IRGM: variants seen among roughly 807,000 people sequenced by gnomAD.
The protein encoded by IRGM is immunity-related GTPase family M protein.
For synonymous variants in IRGM, 98 were observed against 80.6 expected (o/e 1.22, Z -1.16); for missense variants, 288 against 219.9 (o/e 1.31, Z -1.96).
chr5:150,848,592 C>G lies in IRGM; in HGVS notation c.469C>G (p.Leu157Val), dbSNP rs373476641. ...KLDMDLSTGALPEVQLLQIRE... is the reference protein window; with the variant it reads ...KLDMDLSTGAVPEVQLLQIRE... ...AGACATGGACCTCAGCACAGGTGCC[C>G]TCCCAGAAGTGCAGCTACTGCAGAT... The change falls in exon 2 of 2, where the codon CTC becomes GTC. Residue 157 changes from leucine to valine, a missense_variant. Transcript: ENST00000522154. 1.3e-6 allele frequency: 2 copies of G among 1,551,490 alleles called. No individual in the cohort carries two copies. The highest frequency in any genetic ancestry group is 1.7e-6 in the Non-Finnish European group (2 of 1,146,692).
In IRGM at chr5:150,874,025, C is replaced by T. The variant is rs115890543; in HGVS notation, c.159-3955C>T. ...CTTAACCAAGTGGTGACTCTGATTG[C>T]AGCTACTGTACCAGAAATGGTTTCA... On this transcript the variant is annotated intron_variant and NMD_transcript_variant, in intron 1 of 3. Transcript: ENST00000520549. Among the ~76,000 whole-genome samples the T allele has an allele frequency of 5.3e-3, 806 of 152,322 alleles. 4 individuals are homozygous for T. The highest frequency in any genetic ancestry group is 0.019 in the African/African-American group (781 of 41,572).
intron 3 of IRGM, chr5:150,897,001 A>C: frequency 6.5e-7 from 1 of 1,545,392 alleles, no homozygotes; most frequent in African/African-American, 1.4e-5. Flanking sequence ...ACAATTTAAG[A>C]GTCATCACAA....
chr5:150,878,055 G>C, exon 2 of IRGM: 1 of 461,174 alleles, frequency 2.2e-6, no homozygotes. Flanking sequence ...TGAGAGAAAA[G>C]CAAGACAAAG....
Position 150,861,445 on chromosome 5 carries a change from A to T in IRGM, c.158+12791A>T, listed in dbSNP as rs553015510. Reference sequence around the variant, plus strand: ...ACAGCATTCTACATTCAAACAAGTCACAGGGCAGGGTCAGATTCAAGAGGA... The same window carrying T: ...ACAGCATTCTACATTCAAACAAGTCTCAGGGCAGGGTCAGATTCAAGAGGA... On this transcript the variant is annotated intron_variant and NMD_transcript_variant, in intron 1 of 3. Transcript: ENST00000520549. 2.0e-5 allele frequency among the ~76,000 whole-genome samples: 3 copies of T among 152,374 alleles called. No individual in the cohort carries two copies. The South Asian group carries it at 6.2e-4, about 32-fold the overall frequency.
At chr5:150,896,516 A>C (rs533675832) in intron 3 of IRGM, 3 of 1,613,640 alleles carry the variant, frequency 1.9e-6, no homozygotes, top group African/African-American at 1.3e-5. Context: ...GATTATCATC[A>C]AAAGGTATTA....
chr5:150,872,164 A>G (rs1754294354), intron 1 of IRGM, among the ~76,000 whole-genome samples: 1 of 152,226 alleles, frequency 6.6e-6, no homozygotes, highest in Admixed American at 6.5e-5. Context: ...TGACAGGAAT[A>G]AAAAGGTTTT....
At chr5:150,850,036 G>A (rs866441523), downstream of IRGM, among the ~76,000 whole-genome samples, 2 of 152,248 alleles carry the variant, frequency 1.3e-5, no homozygotes, top group Non-Finnish European at 1.5e-5. Context: ...TCAGAGAGAT[G>A]CCTGTATAGA....
intron 3 of IRGM, among the ~76,000 whole-genome samples, chr5:150,891,363 C>A (rs987861376): frequency 1.3e-5 from 2 of 151,898 alleles, no homozygotes; most frequent in African/African-American, 4.8e-5. Context: ...ATAGTCTCTG[C>A]GTTTTTATCT....
chr5:150,894,731 A>C (rs1016368147), intron 3 of IRGM: 1 of 152,324 alleles, frequency 6.6e-6, no homozygotes, highest in Non-Finnish European at 1.5e-5. Flanking sequence ...AAAGTCACAC[A>C]ATCTGTGAGG....
At position 150,847,705 on chromosome 5, in the gene IRGM, G is replaced by A. The variant is rs1251931855; in HGVS notation, c.-415-4G>A. ...CTAACTCACCTGCTCTTCTACTTCC[G>A]CAGCTTACTCCAGTGCCCACAGATA... On this transcript the variant is annotated splice_region_variant and splice_polypyrimidine_tract_variant and intron_variant, in intron 1 of 1. Transcript: ENST00000522154. 9 of 174,432 alleles carry A rather than the reference G, an allele frequency of 5.2e-5. No individual in the cohort carries two copies. Among genetic ancestry groups the A allele is most frequent in the Admixed American group, 3.8e-4 (7 of 18,520 alleles). 10.8% of individuals were successfully genotyped at this position (174,432 alleles called of 1,614,324 possible). A position where few individuals can be genotyped will look rare whatever the true frequency, so the allele number is the denominator to read the frequency against.
At chr5:150,890,863 T>C (rs572672743) in intron 3 of IRGM, among the ~76,000 whole-genome samples, 1 of 152,188 alleles carries the variant, frequency 6.6e-6, no homozygotes, top group South Asian at 2.1e-4. Context: ...AATTTATTGC[T>C]CTGTCTTGGT....
At chr5:150,860,835 G>A (rs960536361) in intron 1 of IRGM, among the ~76,000 whole-genome samples, 4 of 152,112 alleles carry the variant, frequency 2.6e-5, no homozygotes, top group Admixed American at 6.5e-5. Flanking sequence ...TGTTAACTTA[G>A]TTCTCCCTCT....
chr5:150,861,920 C>T (rs79482950), intron 1 of IRGM, among the ~76,000 whole-genome samples: 5 of 152,274 alleles, frequency 3.3e-5, no homozygotes, highest in African/African-American at 9.6e-5. Flanking sequence ...CATAAAACTA[C>T]CACAAACTAG....
At position 150,846,682 on chromosome 5, in the gene IRGM, G is replaced by T. The variant is rs58398445; in HGVS notation, c.-954G>T. On this transcript the variant is annotated 5_prime_UTR_variant, in exon 1 of 2. Transcript: ENST00000522154. ...TCACTCCTGAAACCTGTGAAACAAC[G>T]AACCCCCCGGGGAGAAACGAACAAC... The T allele has an allele frequency of 0.21, 31,224 of 151,886 alleles. 5,175 individuals are homozygous for T. Among genetic ancestry groups the T allele is most frequent in the African/African-American group, 0.44 (18,176 of 41,242 alleles). The allele number at this position is 151,886 out of a possible 1,614,324, so 9.4% of individuals were successfully genotyped here. A position where few individuals can be genotyped will look rare whatever the true frequency, so the allele number is the denominator to read the frequency against.
chr5:150,861,359 A>C (rs1754133537), intron 1 of IRGM, among the ~76,000 whole-genome samples: 1 of 152,208 alleles, frequency 6.6e-6, no homozygotes, highest in Non-Finnish European at 1.5e-5. Flanking sequence ...CTAGGAGTGC[A>C]AAATTAGAAG....
intron 3 of IRGM, chr5:150,898,337 G>A (rs1754871566): frequency 1.9e-6 from 3 of 1,605,548 alleles, no homozygotes; most frequent in Admixed American, 3.3e-5. Flanking sequence ...TAAAAGTCAT[G>A]ACATATGTCA....
Position 150,848,616 on chromosome 5 carries a change from A to T in IRGM, c.493A>T (p.Ile165Phe), listed in dbSNP as rs2113247652. 6.5e-7 allele frequency: 1 copy of T among 1,548,884 alleles called. No individual in the cohort carries two copies. Among genetic ancestry groups the T allele is most frequent in the East Asian group, 2.4e-5 (1 of 40,956 alleles). ...GALPEVQLLQ[I>F]RENVLENLQK... ...CCTCCCAGAAGTGCAGCTACTGCAG[A>T]TCAGAGAAAATGTCCTGGAAAATCT... The change falls in exon 2 of 2, where the codon ATC becomes TTC. Residue 165 changes from isoleucine to phenylalanine, a missense_variant. Ile to Phe is a conservative substitution (Grantham distance 21, BLOSUM62 0). Transcript: ENST00000522154.
downstream of IRGM, among the ~76,000 whole-genome samples, chr5:150,849,837 C>T (rs146262300): frequency 5.7e-3 from 872 of 152,124 alleles, 9 homozygotes; most frequent in African/African-American, 0.02. Flanking sequence ...AATTTCTTGA[C>T]CTTGTGATCC....
intron 2 of IRGM, chr5:150,878,134 A>T (rs1474033601): frequency 7.2e-6 from 3 of 415,956 alleles, no homozygotes; most frequent in Non-Finnish European, 1.4e-5. Flanking sequence ...AAAAATCTTC[A>T]CTGATTTTAG....
Sources: gnomAD v4.1 joint callset for allele counts (sites outside exome capture counted in the v4.1 genomes callset) on GRCh38, gnomAD v4.1.1 for gene constraint, MANE v1.5 for transcripts, NCBI Gene and HGNC (gene_info 2026-07-23, HGNC 2026-07-21) for gene names.